USP32: variants seen among roughly 807,000 people sequenced by gnomAD.
USP32 encodes ubiquitin carboxyl-terminal hydrolase 32.
In USP32, 59 loss-of-function variants were observed where a neutral mutation model predicts 204.8. That is an observed-to-expected ratio of 0.29 (90% confidence interval 0.23 to 0.36). The LOEUF (loss-of-function observed/expected upper bound fraction) is 0.36. Ranked by LOEUF, USP32 falls within the 10% of genes least tolerant of loss-of-function variation. The pLI is 1.00. For missense variants in USP32, 1,160 were observed against 1,946.4 expected (o/e 0.60, Z 7.60); for synonymous variants, 517 against 678.4 (o/e 0.76, Z 3.70).
At chr17:60,370,793 AG>A (rs1389787188) in intron 1 of USP32, among the ~76,000 whole-genome samples, 4 of 150,366 alleles carry the variant, frequency 2.7e-5, no homozygotes, top group African/African-American at 9.8e-5. Flanking sequence ...AGAAGAAAAG[AG>A]AAAAAAATAC....
intron 1 of USP32, among the ~76,000 whole-genome samples, chr17:60,420,808 CT>C (rs2090105863): frequency 6.6e-6 from 1 of 152,250 alleles, no homozygotes; most frequent in African/African-American, 2.4e-5. Flanking sequence ...TCCTTCAAGA[CT>C]TTTTTCTATG....
intron 2 of USP32, among the ~76,000 whole-genome samples, chr17:60,316,443 C>T (rs1487653084): frequency 1.3e-5 from 2 of 152,048 alleles, no homozygotes; most frequent in African/African-American, 2.4e-5. Flanking sequence ...GTATGTAAAG[C>T]ATTAATGCAA....
chr17:60,273,232 G>A (rs1008708566), intron 5 of USP32, among the ~76,000 whole-genome samples: 8 of 152,140 alleles, frequency 5.3e-5, no homozygotes, highest in South Asian at 4.2e-4. Flanking sequence ...CTCGGCCTCC[G>A]AAAGTGTGGG....
At position 60,214,573 on chromosome 17, in the gene USP32, A is replaced by G. The variant is rs372797261; in HGVS notation, c.2022+47T>C. 1,929 of 1,564,156 alleles carry G rather than the reference A, an allele frequency of 1.2e-3. 2 individuals carry two copies. Among genetic ancestry groups the G allele is most frequent in the Non-Finnish European group, 1.6e-3 (1,841 of 1,156,936 alleles). ...AATTTCTTTTACTATTTAAAATTAA[A>G]CAAATACCAACAATCAGACTCTCTA... On this transcript the variant is annotated intron_variant, in intron 17 of 33. Transcript: ENST00000300896.
At position 60,288,722 on chromosome 17, in the gene USP32, T is replaced by C. The variant is rs780663015; in HGVS notation, c.412-40A>G. On this transcript the variant is annotated intron_variant, in intron 4 of 33. Transcript: ENST00000300896. ...AGAAAACATAAGTTTAGTCAAATTT[T>C]AAGGTATCTTACTTGGAACCTGCAC... 25 of 1,556,294 alleles carry C rather than the reference T, an allele frequency of 1.6e-5. No individual in the cohort carries two copies. The South Asian group carries it at 2.7e-4, about 17-fold the overall frequency.
chr17:60,331,111 C>A (rs1279981997), intron 2 of USP32, among the ~76,000 whole-genome samples: 1 of 152,152 alleles, frequency 6.6e-6, no homozygotes, highest in Non-Finnish European at 1.5e-5. Flanking sequence ...AATGCCCTAA[C>A]AAAGATAGAA....
intron 11 of USP32, among the ~76,000 whole-genome samples, chr17:60,240,818 C>T (rs1407794115): frequency 6.6e-6 from 1 of 152,080 alleles, no homozygotes; most frequent in African/African-American, 2.4e-5. Flanking sequence ...TATTATATGC[C>T]TCAATTAAAA....
At chr17:60,290,662 C>A (rs2087247904) in intron 4 of USP32, among the ~76,000 whole-genome samples, 1 of 151,918 alleles carries the variant, frequency 6.6e-6, no homozygotes, top group South Asian at 2.1e-4. Context: ...TTCTTGTAAT[C>A]TCCAAAGTGA....
At chr17:60,227,693 G>A (rs948741935) in intron 12 of USP32, among the ~76,000 whole-genome samples, 2 of 151,942 alleles carry the variant, frequency 1.3e-5, no homozygotes, top group East Asian at 1.9e-4. Flanking sequence ...GATTAAAGGC[G>A]TGAGCCACTG....
intron 12 of USP32, among the ~76,000 whole-genome samples, chr17:60,228,429 C>T (rs568896518): frequency 1.3e-4 from 19 of 151,636 alleles, no homozygotes; most frequent in Non-Finnish European, 2.4e-4. Flanking sequence ...AAGCTTCTCA[C>T]AGCTTTTCTA....
At chr17:60,365,734 A>C (rs139042899) in intron 1 of USP32, among the ~76,000 whole-genome samples, 1,935 of 152,260 alleles carry the variant, frequency 0.013, 24 homozygotes, top group South Asian at 0.031. Flanking sequence ...GAATGCATTA[A>C]GATAAACCAT....
rs954457696 is a variant in USP32 at position 60,336,633 on chromosome 17, G to C, written c.186+8848C>G. ...TGGGAGGCTGAGGCAGGAGAATGGC[G>C]TGAACCCGGGAGGCGGAGCTTGCAG... is the stretch of plus-strand genomic sequence containing the variant. On this transcript the variant is annotated intron_variant, in intron 2 of 33. Coordinates refer to ENST00000300896, the MANE Select transcript of USP32 (RefSeq NM_032582.4). Among the ~76,000 whole-genome samples the C allele has an allele frequency of 3.3e-3, 471 of 144,662 alleles. 8 individuals are homozygous for C. The highest frequency in any genetic ancestry group is 3.0e-3 in the African/African-American group (108 of 36,320). 94.9% of individuals were successfully genotyped at this position (144,662 alleles called of 152,430 possible). A position where few individuals can be genotyped will look rare whatever the true frequency, so the allele number is the denominator to read the frequency against.
intron 12 of USP32, among the ~76,000 whole-genome samples, chr17:60,228,654 C>CAAAAAAATATTAA (rs2085462900): frequency 6.6e-6 from 1 of 150,492 alleles, no homozygotes; most frequent in Non-Finnish European, 1.5e-5. Flanking sequence ...CCCGTCTTTA[C>CAAAAAAATATTAA]AAAAAAATAT....
chr17:60,355,866 AAAAG>A (rs1384132397), intron 1 of USP32, among the ~76,000 whole-genome samples: 1 of 149,892 alleles, frequency 6.7e-6, no homozygotes, highest in Admixed American at 6.6e-5. Context: ...AGAAAAAAAA[AAAAG>A]AATGGCTGAA....
intron 1 of USP32, among the ~76,000 whole-genome samples, chr17:60,373,382 T>C (rs2089479311): frequency 1.3e-5 from 2 of 152,044 alleles, no homozygotes; most frequent in South Asian, 4.1e-4. Context: ...CACTGTGCAA[T>C]TCGGTTACAC....
intron 10 of USP32, among the ~76,000 whole-genome samples, chr17:60,254,854 T>G (rs918287364): frequency 2.0e-4 from 30 of 152,268 alleles, no homozygotes; most frequent in African/African-American, 6.3e-4. Flanking sequence ...TCAGTCTTAT[T>G]ACAAGGAAGC....
At chr17:60,418,116 G>T (rs761927937) in intron 1 of USP32, among the ~76,000 whole-genome samples, 2 of 152,022 alleles carry the variant, frequency 1.3e-5, no homozygotes, top group African/African-American at 4.8e-5. Context: ...GTGCTACCAC[G>T]CCCAGCTAAT....
intron 4 of USP32, among the ~76,000 whole-genome samples, chr17:60,291,832 A>T (rs2145860651): frequency 6.6e-6 from 1 of 152,184 alleles, no homozygotes; most frequent in South Asian, 2.1e-4. Context: ...TCCTCTAAAG[A>T]TCTTATTAAA....
chr17:60,306,982 T>C (rs1287471228), intron 2 of USP32, among the ~76,000 whole-genome samples: 1 of 151,986 alleles, frequency 6.6e-6, no homozygotes, highest in Non-Finnish European at 1.5e-5. Flanking sequence ...GCCAGAGATG[T>C]GAAAGATCTA....
Sources: gnomAD v4.1 joint callset for allele counts (sites outside exome capture counted in the v4.1 genomes callset) on GRCh38, gnomAD v4.1.1 for gene constraint, MANE v1.5 for transcripts, NCBI Gene and HGNC (gene_info 2026-07-23, HGNC 2026-07-21) for gene names.